Variants in FSTL5 observed in about 807,000 individuals in gnomAD.
FSTL5 encodes follistatin like 5.
In FSTL5, 62 loss-of-function variants were observed where a neutral mutation model predicts 89.1. The observed-to-expected ratio is 0.70, with a 90% CI of 0.57 to 0.86. The LOEUF (loss-of-function observed/expected upper bound fraction) is 0.86, where lower values mean the gene tolerates loss of function less well. FSTL5 is among the 40% of genes least tolerant of loss of function. The pLI, the probability that FSTL5 is intolerant of heterozygous loss-of-function variation, is 0.00. For synonymous variants in FSTL5, 383 were observed against 346.2 expected (o/e 1.11, Z -1.18); for missense variants, 1,057 against 1,001.6 (o/e 1.06, Z -0.75).
chr4:161,579,915 G>A (rs753959493), intron 8 of FSTL5, among the ~76,000 whole-genome samples: 9 of 151,936 alleles, frequency 5.9e-5, no homozygotes, highest in Non-Finnish European at 1.2e-4. Flanking sequence ...GGAAAAACTT[G>A]GTTCTTTGGA....
chr4:161,877,398 TATA>T lies in FSTL5; in HGVS notation c.409+43003_409+43005del, dbSNP rs1363468787. Among the ~76,000 whole-genome samples the T allele has an allele frequency of 4.5e-5, 6 of 132,806 alleles. No individual in the cohort carries two copies. The East Asian group carries it at 1.4e-3, about 31-fold the overall frequency. 87.1% of individuals were successfully genotyped at this position (132,806 alleles called of 152,430 possible). ...TTTATATTAAAAATTACTATGATAATATAGTAGACTATTTTACAGATAAAATAG... is the reference window on the plus strand; with the variant it reads ...TTTATATTAAAAATTACTATGATAATGTAGACTATTTTACAGATAAAATAG... On this transcript the variant is annotated intron_variant, in intron 4 of 15. Transcript: ENST00000306100.
At chr4:161,612,545 A>T (rs1272503452) in intron 7 of FSTL5, among the ~76,000 whole-genome samples, 1 of 152,256 alleles carries the variant, frequency 6.6e-6, no homozygotes, top group African/African-American at 2.4e-5. Context: ...CTCCATTAAC[A>T]CATTAAAATA....
intron 4 of FSTL5, among the ~76,000 whole-genome samples, chr4:161,907,073 C>T (rs892024910): frequency 2.0e-5 from 3 of 152,054 alleles, no homozygotes; most frequent in Middle Eastern, 6.8e-3. Context: ...TCTTTAAAGG[C>T]CAAAACATGT....
chr4:162,034,298 C>T (rs1737650158), intron 2 of FSTL5, among the ~76,000 whole-genome samples: 1 of 152,122 alleles, frequency 6.6e-6, no homozygotes, highest in East Asian at 1.9e-4. Context: ...TCAGAATTTG[C>T]TTTCAATGGC....
chr4:161,992,559 G>A (rs1578925907), intron 3 of FSTL5, among the ~76,000 whole-genome samples: 2 of 151,712 alleles, frequency 1.3e-5, no homozygotes. Context: ...GCAAGTAGTG[G>A]AAGCAGGGCG....
intron 1 of FSTL5, among the ~76,000 whole-genome samples, chr4:162,125,807 AT>A (rs1732055946): frequency 6.6e-6 from 1 of 152,176 alleles, no homozygotes; most frequent in East Asian, 1.9e-4. Context: ...TAAGCGATAA[AT>A]TTCATATATT....
chr4:161,846,879 AT>A (rs1052350914), intron 4 of FSTL5, among the ~76,000 whole-genome samples: 4 of 152,202 alleles, frequency 2.6e-5, no homozygotes, highest in Non-Finnish European at 4.4e-5. Flanking sequence ...TAGGAAAAAA[AT>A]AAATACTTTT....
At chr4:162,016,098 C>T (rs1736909849) in intron 3 of FSTL5, among the ~76,000 whole-genome samples, 1 of 152,080 alleles carries the variant, frequency 6.6e-6, no homozygotes, top group Non-Finnish European at 1.5e-5. Context: ...ACTCTCAAAG[C>T]TCATGAATCT....
intron 7 of FSTL5, among the ~76,000 whole-genome samples, chr4:161,632,018 C>T (rs899080578): frequency 6.6e-6 from 1 of 152,074 alleles, no homozygotes; most frequent in Non-Finnish European, 1.5e-5. Flanking sequence ...TATAGAAAAT[C>T]AACTCCAAAT....
chr4:162,034,480 A>G (rs1225167956), intron 2 of FSTL5, among the ~76,000 whole-genome samples: 2 of 152,160 alleles, frequency 1.3e-5, no homozygotes, highest in African/African-American at 4.8e-5. Context: ...TCTATGATTT[A>G]TTCAAAGGCT....
At chr4:161,792,729 G>C (rs1289679542) in intron 4 of FSTL5, among the ~76,000 whole-genome samples, 1 of 152,098 alleles carries the variant, frequency 6.6e-6, no homozygotes, top group Non-Finnish European at 1.5e-5. Context: ...ACCCACTCCT[G>C]TTCTCATCCC....
At chr4:161,441,170 T>A (rs1732748381) in intron 15 of FSTL5, among the ~76,000 whole-genome samples, 1 of 152,116 alleles carries the variant, frequency 6.6e-6, no homozygotes, top group Admixed American at 6.6e-5. Flanking sequence ...GTGTGAATCA[T>A]CAGTGCTCAT....
At chr4:161,524,157 T>C (rs1216988319) in intron 10 of FSTL5, among the ~76,000 whole-genome samples, 1 of 152,182 alleles carries the variant, frequency 6.6e-6, no homozygotes, top group African/African-American at 2.4e-5. Context: ...ATAGTAAAAC[T>C]TTGGTCTCTA....
intron 10 of FSTL5, among the ~76,000 whole-genome samples, chr4:161,531,976 G>A (rs1310876648): frequency 6.6e-6 from 1 of 151,934 alleles, no homozygotes; most frequent in South Asian, 2.1e-4. Context: ...AGGCCGAGAC[G>A]GGCGGATCAT....
chr4:162,061,437 A>C (rs1738714813), intron 2 of FSTL5, among the ~76,000 whole-genome samples: 1 of 152,082 alleles, frequency 6.6e-6, no homozygotes, highest in Non-Finnish European at 1.5e-5. Context: ...AGACACCCAG[A>C]GTGTTGGAAA....
At chr4:161,449,168 T>C (rs1217513233) in intron 15 of FSTL5, among the ~76,000 whole-genome samples, 3 of 152,112 alleles carry the variant, frequency 2.0e-5, no homozygotes, top group Non-Finnish European at 4.4e-5. Context: ...ATCTTACTGC[T>C]TATCATGTAA....
intron 10 of FSTL5, among the ~76,000 whole-genome samples, chr4:161,532,094 A>T (rs893734756): frequency 1.3e-5 from 2 of 151,744 alleles, no homozygotes; most frequent in Non-Finnish European, 2.9e-5. Context: ...AGTCCCAGCT[A>T]CTTGGGAGGC....
chr4:161,955,777 C>G (rs963028882), intron 3 of FSTL5, among the ~76,000 whole-genome samples: 1 of 151,758 alleles, frequency 6.6e-6, no homozygotes, highest in African/African-American at 2.4e-5. Flanking sequence ...CTTGCAGTTT[C>G]AATGACCATG....
At chr4:161,743,053 G>T (rs1740082556) in intron 6 of FSTL5, among the ~76,000 whole-genome samples, 1 of 152,048 alleles carries the variant, frequency 6.6e-6, no homozygotes, top group African/African-American at 2.4e-5. Flanking sequence ...ATGCATGAAA[G>T]TTCTAAATTT....
Sources: gnomAD v4.1 joint callset for allele counts (sites outside exome capture counted in the v4.1 genomes callset) on GRCh38, gnomAD v4.1.1 for gene constraint, MANE v1.5 for transcripts, NCBI Gene and HGNC (gene_info 2026-07-23, HGNC 2026-07-21) for gene names.